Variants in MIS18A observed in about 807,000 individuals in gnomAD.
The protein encoded by MIS18A is MIS18 kinetochore protein A.
Under a neutral mutation model 25.0 loss-of-function variants are expected in MIS18A, and 14 were observed. That is an observed-to-expected ratio of 0.56 (90% CI 0.37 to 0.88). The LOEUF (loss-of-function observed/expected upper bound fraction) is 0.88, where lower values mean the gene tolerates loss of function less well. Ranked by LOEUF, MIS18A falls within the 40% of genes least tolerant of loss-of-function variation. The pLI is 0.00. For synonymous variants in MIS18A, 134 were observed against 118.6 expected, an observed-to-expected ratio of 1.13 and a Z score of -0.84; for missense variants, 292 against 290.8, an observed-to-expected ratio of 1.00 and a Z score of -0.03.
At chr21:32,258,842 ATT>A in the MIS18A span, among the ~76,000 whole-genome samples, 8 of 110,172 alleles carry the variant, frequency 7.3e-5, no homozygotes, top group East Asian at 3.2e-4. Flanking sequence ...CATTTTATTT[ATT>A]TATTTATTTA....
chr21:32,247,576 C>G, the MIS18A span, among the ~76,000 whole-genome samples: 1 of 152,144 alleles, frequency 6.6e-6, no homozygotes, highest in South Asian at 2.1e-4. Flanking sequence ...CTGAGGTAAC[C>G]ATATTCGGAT....
chr21:32,245,150 G>A, the MIS18A span, among the ~76,000 whole-genome samples: 6 of 152,304 alleles, frequency 3.9e-5, no homozygotes, highest in African/African-American at 1.4e-4. Context: ...TTGATTTCAT[G>A]ATCCTATTTA....
chr21:32,231,931 C>CA, the MIS18A span, among the ~76,000 whole-genome samples: 9 of 151,618 alleles, frequency 5.9e-5, no homozygotes, highest in Non-Finnish European at 8.8e-5. Context: ...CAAAACAAAA[C>CA]AAAAAAAAGA....
the MIS18A span, among the ~76,000 whole-genome samples, chr21:32,177,253 C>G: frequency 6.6e-6 from 1 of 152,144 alleles, no homozygotes; most frequent in Non-Finnish European, 1.5e-5. Flanking sequence ...AAAATTTCAT[C>G]TCTATTCATG....
At chr21:32,177,748 T>G in the MIS18A span, among the ~76,000 whole-genome samples, 1 of 152,040 alleles carries the variant, frequency 6.6e-6, no homozygotes, top group Non-Finnish European at 1.5e-5. Context: ...ACTACAAAAC[T>G]AATATTGCTA....
At chr21:32,229,128 T>C in the MIS18A span, among the ~76,000 whole-genome samples, 1 of 152,256 alleles carries the variant, frequency 6.6e-6, no homozygotes. Flanking sequence ...TTAATTACTA[T>C]GTTTCTTAGT....
At chr21:32,182,386 C>A in the MIS18A span, among the ~76,000 whole-genome samples, 1 of 139,460 alleles carries the variant, frequency 7.2e-6, no homozygotes, top group East Asian at 2.4e-4. Flanking sequence ...TAAGAGAGTA[C>A]CTATGAACAG....
intron 3 of MIS18A, among the ~76,000 whole-genome samples, chr21:32,270,169 T>C (rs1481714135): frequency 2.0e-5 from 3 of 151,984 alleles, no homozygotes; most frequent in Non-Finnish European, 4.4e-5. Flanking sequence ...AACAACTGAA[T>C]ATACTTTTAT....
chr21:32,275,045 T>C (rs2031784838), intron 1 of MIS18A, 149 bp from the exon 2 acceptor site: 1 of 640,442 alleles, frequency 1.6e-6, no homozygotes, highest in Non-Finnish European at 2.7e-6. Context: ...TAAAACTAAA[T>C]GTACTGGGGT....
rs558102501 is a variant in MIS18A, at chr21:32,276,460, C to CAAAAAAA, written c.335-1571_335-1565dup. 4.1e-5 allele frequency among the ~76,000 whole-genome samples: 3 copies of CAAAAAAA among 72,740 alleles called. 1 individual carries two copies. Among genetic ancestry groups the CAAAAAAA allele is most frequent in the South Asian group, 9.4e-4 (2 of 2,132 alleles). The allele number at this position is 72,740 out of a possible 152,430, so 47.7% of individuals were successfully genotyped here. Reference sequence around the variant, plus strand: ...TGGGCAACACAGTGAGACTCTGTCTCAAAAAAAAAAAAAAAAAAAAAAAAA... The same window carrying CAAAAAAA: ...TGGGCAACACAGTGAGACTCTGTCTCAAAAAAAAAAAAAAAAAAAAAAAAAAAAAAAA... On this transcript the variant is annotated intron_variant, in intron 1 of 4. Coordinates refer to ENST00000290130, the MANE Select transcript of MIS18A (RefSeq NM_018944.3).
the MIS18A span, among the ~76,000 whole-genome samples, chr21:32,253,663 C>T: frequency 2.7e-4 from 41 of 152,080 alleles, no homozygotes; most frequent in Middle Eastern, 0.014. Flanking sequence ...GGTTACTTCC[C>T]CCTCCACCAA....
chr21:32,181,515 G>A, the MIS18A span, among the ~76,000 whole-genome samples: 1 of 152,102 alleles, frequency 6.6e-6, no homozygotes, highest in Non-Finnish European at 1.5e-5. Flanking sequence ...GGAGAAATGA[G>A]GCTTCTACCA....
chr21:32,223,304 C>CA, the MIS18A span, among the ~76,000 whole-genome samples: 1 of 150,550 alleles, frequency 6.6e-6, no homozygotes, highest in African/African-American at 2.5e-5. Flanking sequence ...GATAGAGACA[C>CA]AAAAAACCCT....
chr21:32,179,596 C>A, the MIS18A span, among the ~76,000 whole-genome samples: 3 of 152,214 alleles, frequency 2.0e-5, no homozygotes, highest in African/African-American at 7.2e-5. Context: ...CGCTTTACTG[C>A]CAGATCACCC....
At chr21:32,226,725 G>C in the MIS18A span, among the ~76,000 whole-genome samples, 2 of 152,082 alleles carry the variant, frequency 1.3e-5, no homozygotes, top group Non-Finnish European at 2.9e-5. Context: ...GAAAGTAGAA[G>C]ACTTGAACAG....
the MIS18A span, among the ~76,000 whole-genome samples, chr21:32,164,696 T>G: frequency 6.6e-6 from 1 of 151,740 alleles, no homozygotes; most frequent in Non-Finnish European, 1.5e-5. Context: ...ATGTTATACA[T>G]CAATAACAGC....
At chr21:32,272,395 C>T (rs921384446) in intron 2 of MIS18A, among the ~76,000 whole-genome samples, 1 of 152,186 alleles carries the variant, frequency 6.6e-6, no homozygotes, top group Non-Finnish European at 1.5e-5. Context: ...GCACACAACC[C>T]TAGTGAAGTC....
chr21:32,272,524 G>A (rs949781088), intron 2 of MIS18A, among the ~76,000 whole-genome samples: 3 of 152,170 alleles, frequency 2.0e-5, no homozygotes, highest in African/African-American at 7.2e-5. Flanking sequence ...AGAAAGTCTC[G>A]GTTTGGTGCT....
At chr21:32,205,942 A>T in the MIS18A span, among the ~76,000 whole-genome samples, 1 of 152,106 alleles carries the variant, frequency 6.6e-6, no homozygotes, top group Non-Finnish European at 1.5e-5. Flanking sequence ...CCCCCATTCC[A>T]GTCGTTCTTG....
Sources: allele counts gnomAD v4.1 joint callset (sites outside exome capture counted in the v4.1 genomes callset), GRCh38; gene constraint gnomAD v4.1.1; transcripts MANE v1.5; gene names NCBI Gene and HGNC (gene_info 2026-07-23, HGNC 2026-07-21).